Variants in ANKRD39 observed in about 807,000 individuals in gnomAD.
The protein encoded by ANKRD39 is ankyrin repeat domain-containing protein 39.
Under a neutral mutation model 20.3 loss-of-function variants are expected in ANKRD39, and 18 were observed. That is an observed-to-expected ratio of 0.89 (90% confidence interval 0.61 to 1.32). The LOEUF (loss-of-function observed/expected upper bound fraction) is 1.32. ANKRD39 is among the 40% of genes most tolerant of loss of function. ANKRD39 has a pLI of 0.00. For missense variants in ANKRD39, 243 were observed against 250.7 expected (o/e 0.97, Z 0.21); for synonymous variants, 106 against 111.9 (o/e 0.95, Z 0.33).
intron 3 of ANKRD39, among the ~76,000 whole-genome samples, chr2:96,849,849 C>T (rs970743889): frequency 1.3e-5 from 2 of 152,128 alleles, no homozygotes; most frequent in African/African-American, 4.8e-5. Context: ...TTCTCTTCTT[C>T]TCTTTTAAGG....
intron 3 of ANKRD39, among the ~76,000 whole-genome samples, chr2:96,852,776 T>G (rs2079844715): frequency 6.6e-6 from 1 of 151,966 alleles, no homozygotes; most frequent in African/African-American, 2.4e-5. Context: ...GCCTGCAAAC[T>G]CAGTAAAGTG....
chr2:96,848,293 G>T lies in ANKRD39; in HGVS notation c.*8C>A. The T allele has an allele frequency of 1.2e-6, 2 of 1,613,842 alleles. No homozygotes were observed. The highest frequency in any genetic ancestry group is 1.7e-6 in the Non-Finnish European group (2 of 1,179,918). ...CCCTTTAAAGGCAGCTGGAGATAGG[G>T]TGGCGGCTCAGCTGGATAGCAGGTC... On this transcript the variant is annotated 3_prime_UTR_variant, in exon 4 of 4. Transcript: ENST00000393537.
At chr2:96,855,722 C>CAA (rs566045028) in intron 1 of ANKRD39, among the ~76,000 whole-genome samples, 4 of 91,314 alleles carry the variant, frequency 4.4e-5, no homozygotes, top group South Asian at 3.7e-4. Flanking sequence ...GACTCCGTCT[C>CAA]AAAAAAAAAA....
In ANKRD39 at chr2:96,854,405, C is replaced by A. The variant is rs141955527; in HGVS notation, c.137G>T (p.Arg46Leu). 6.2e-7 allele frequency: 1 copy of A among 1,614,188 alleles called. No homozygotes were observed. The highest frequency in any genetic ancestry group is 2.2e-5 in the East Asian group (1 of 44,884). ...GGCCTTCTGGATTAAATGCTTCACTCGGCCCAGGTCTCCATTCAGGGCTGC... is the reference window on the plus strand; with the variant it reads ...GGCCTTCTGGATTAAATGCTTCACTAGGCCCAGGTCTCCATTCAGGGCTGC... Reference protein sequence around the residue: ...WSAALNGDLGRVKHLIQKAED... With the variant: ...WSAALNGDLGLVKHLIQKAED... Residue 46 changes from arginine to leucine, a missense_variant, in exon 2 of 4, where the codon CGA becomes CTA. Coordinates refer to ENST00000393537, the MANE Select transcript of ANKRD39 (RefSeq NM_016466.6).
In ANKRD39 at chr2:96,854,363, G is replaced by A. The variant is rs2079853121; in HGVS notation, c.179C>T (p.Pro60Leu). 1 of 1,613,992 alleles carries A rather than the reference G, an allele frequency of 6.2e-7. No individual in the cohort carries two copies. Among genetic ancestry groups the A allele is most frequent in the Admixed American group, 1.7e-5 (1 of 59,986 alleles). Reference sequence around the variant, plus strand: ...CAGCGCAGTGTAGCCGGCCGAGTCGGGCTGACTTGGGTCCTCGGCCTTCTG... The same window carrying A: ...CAGCGCAGTGTAGCCGGCCGAGTCGAGCTGACTTGGGTCCTCGGCCTTCTG... ...LIQKAEDPSQ[P>L]DSAGYTALHY... Residue 60 changes from proline (P) to leucine (L), a missense_variant, in exon 2 of 4, where the codon CCC becomes CTC. Physicochemically the swap from Pro to Leu is moderately conservative, Grantham distance 98. Transcript: ENST00000393537.
At chr2:96,848,595 G>A (rs987374271) in intron 3 of ANKRD39, 151 bp from the exon 4 acceptor site, 2 of 972,638 alleles carry the variant, frequency 2.1e-6, no homozygotes, top group Non-Finnish European at 1.5e-6. Flanking sequence ...GGGAGGCCAA[G>A]GCAGGCGGAT....
Position 96,857,951 on chromosome 2 carries a change from A to T in ANKRD39, c.37T>A (p.Cys13Ser), listed in dbSNP as rs759645699. The T allele has an allele frequency of 1.4e-5, 22 of 1,574,754 alleles. No homozygotes were observed. The highest frequency in any genetic ancestry group is 1.8e-5 in the Non-Finnish European group (21 of 1,167,758). The change falls in exon 1 of 4, where the codon TGC becomes AGC. Residue 13 changes from cysteine (C) to serine (S), a missense_variant. Cys to Ser is a moderately radical substitution (Grantham distance 112, BLOSUM62 -1). Transcript: ENST00000393537. ...TPRPCADGPC[C>S]SHPSAVLGVQ... Reference sequence around the variant, plus strand: ...CCGAGCACCGCGCTGGGATGCGAGCAGCAGGGCCCGTCCGCGCAGGGCCGA... The same window carrying T: ...CCGAGCACCGCGCTGGGATGCGAGCTGCAGGGCCCGTCCGCGCAGGGCCGA...
intron 3 of ANKRD39, among the ~76,000 whole-genome samples, chr2:96,851,846 A>C (rs568887117): frequency 1.3e-5 from 2 of 152,138 alleles, no homozygotes; most frequent in African/African-American, 4.8e-5. Flanking sequence ...GCACCCAGAC[A>C]GGGGCTAACT....
rs1408365220 is a variant in ANKRD39, at chr2:96,853,682, C to T, written c.205-78G>A. On this transcript the variant is annotated intron_variant, in intron 2 of 3. Coordinates refer to ENST00000393537, the MANE Select transcript of ANKRD39 (RefSeq NM_016466.6). ...GGTGGTATAGAGGTGAGAGCATGGCCTCCCTGCAGCGAGGGGCCTGGAATC... is the reference window on the plus strand; with the variant it reads ...GGTGGTATAGAGGTGAGAGCATGGCTTCCCTGCAGCGAGGGGCCTGGAATC... 13 of 1,407,396 alleles carry T rather than the reference C, an allele frequency of 9.2e-6. No individual in the cohort carries two copies. In the East Asian group the frequency reaches 1.2e-4, roughly 13 times the overall value. 87.2% of individuals were successfully genotyped at this position (1,407,396 alleles called of 1,614,324 possible).
intron 3 of ANKRD39, among the ~76,000 whole-genome samples, chr2:96,851,967 C>G (rs766068289): frequency 1.3e-5 from 2 of 152,018 alleles, no homozygotes; most frequent in Non-Finnish European, 2.9e-5. Context: ...TGCTTGGGCC[C>G]AGGTGTCGAG....
Position 96,848,358 on chromosome 2 carries a change from C to G in ANKRD39, c.495G>C (p.Arg165=), listed in dbSNP as rs2079820237. 1 of 1,614,072 alleles carries G rather than the reference C, an allele frequency of 6.2e-7. No individual in the cohort carries two copies. The highest frequency in any genetic ancestry group is 8.5e-7 in the Non-Finnish European group (1 of 1,180,052). The stretch of plus-strand genomic sequence containing the variant: ...TGCAAGGCAGCAGGTCACATGCTAG[C>G]CGTGCCTTTCGGTCCCGGATGGCCT... ...ALKAIRDRKA[R]LACDLLPCNS... The change falls in exon 4 of 4, where the codon CGG becomes CGC. Residue 165 remains arginine, a synonymous_variant. Transcript: ENST00000393537.
At chr2:96,849,641 C>T (rs941947074) in intron 3 of ANKRD39, among the ~76,000 whole-genome samples, 25 of 152,004 alleles carry the variant, frequency 1.6e-4, no homozygotes, top group Admixed American at 1.3e-4. Context: ...CAGAGCGAGA[C>T]TCCATCTCAA....
At chr2:96,856,468 C>CAAAAA (rs56306893) in intron 1 of ANKRD39, among the ~76,000 whole-genome samples, 1 of 70,694 alleles carries the variant, frequency 1.4e-5, no homozygotes, top group Admixed American at 1.5e-4. Context: ...GACTCCATCT[C>CAAAAA]AAAAAAAAAA....
intron 1 of ANKRD39, among the ~76,000 whole-genome samples, chr2:96,856,908 C>G (rs2079868184): frequency 6.6e-6 from 1 of 152,086 alleles, no homozygotes; most frequent in South Asian, 2.1e-4. Flanking sequence ...AAAACAAGAC[C>G]AGTGTGGCTG....
chr2:96,855,122 C>A (rs2079856491), intron 1 of ANKRD39, among the ~76,000 whole-genome samples: 1 of 152,160 alleles, frequency 6.6e-6, no homozygotes, highest in Admixed American at 6.6e-5. Context: ...GGCATGGCGA[C>A]AGACAACAAC....
chr2:96,849,867 C>A (rs187438005), intron 3 of ANKRD39, among the ~76,000 whole-genome samples: 361 of 152,210 alleles, frequency 2.4e-3, no homozygotes, highest in South Asian at 8.5e-3. Context: ...AGGTAGGAGA[C>A]CCCAATCCAG....
chr2:96,848,227 G>T lies in ANKRD39; in HGVS notation c.*74C>A, dbSNP rs2079819339. 1.6e-5 allele frequency: 26 copies of T among 1,578,512 alleles called. No homozygotes were observed. The highest frequency in any genetic ancestry group is 2.7e-5 in the African/African-American group (2 of 74,398). On this transcript the variant is annotated 3_prime_UTR_variant, in exon 4 of 4. Transcript: ENST00000393537. ...CCTCAGTTCCCTGCCCAGCAGCATG[G>T]ATGCTGACCAAGGCAGGGGCTTGGA... is the stretch of plus-strand genomic sequence containing the variant.
chr2:96,857,847 G>A (rs921844537), intron 1 of ANKRD39, 41 bp downstream of exon 1: 8 of 1,531,452 alleles, frequency 5.2e-6, no homozygotes, highest in East Asian at 2.4e-5. Context: ...TCCTTGGGCC[G>A]GGGCCTGGTG....
rs777889012 is a variant in ANKRD39 at position 96,853,615 on chromosome 2, C to A, written c.205-11G>T. On this transcript the variant is annotated splice_polypyrimidine_tract_variant and intron_variant, in intron 2 of 3. Transcript: ENST00000393537. ...GCGGCTGGCATAGTGCTGCAGGGAACAGAGACCGAGGTCAGATGGGAGAAG... is the reference window on the plus strand; with the variant it reads ...GCGGCTGGCATAGTGCTGCAGGGAAAAGAGACCGAGGTCAGATGGGAGAAG... 1.9e-6 allele frequency: 3 copies of A among 1,610,874 alleles called. No individual in the cohort carries two copies. The highest frequency in any genetic ancestry group is 2.5e-6 in the Non-Finnish European group (3 of 1,179,388).
Sources: allele counts gnomAD v4.1 joint callset (sites outside exome capture counted in the v4.1 genomes callset), GRCh38; gene constraint gnomAD v4.1.1; transcripts MANE v1.5; gene names NCBI Gene and HGNC (gene_info 2026-07-23, HGNC 2026-07-21).